Variants in CCDC38 observed in about 807,000 individuals in gnomAD.
The protein encoded by CCDC38 is coiled-coil domain containing 38.
In CCDC38, 69 loss-of-function variants were observed where a neutral mutation model predicts 72.8. The ratio of observed to expected loss-of-function variants is 0.95; its 90% confidence interval spans 0.78 to 1.16. The LOEUF (loss-of-function observed/expected upper bound fraction) is 1.16. Among genes scored for constraint, CCDC38 ranks in the 50% most tolerant of loss-of-function variants. The pLI is 0.00. For missense variants in CCDC38, 626 were observed against 638.9 expected, an observed-to-expected ratio of 0.98 and a Z score of 0.22; for synonymous variants, 201 against 213.2, an observed-to-expected ratio of 0.94 and a Z score of 0.50.
At chr12:95,876,003 G>T (rs2079631750) in intron 13 of CCDC38, among the ~76,000 whole-genome samples, 1 of 152,038 alleles carries the variant, frequency 6.6e-6, no homozygotes. Context: ...CATGTCAATT[G>T]GTTTCAGAAT....
chr12:95,888,673 T>A (rs911651874), intron 9 of CCDC38, among the ~76,000 whole-genome samples, 167 bp from the exon 10 acceptor site: 1 of 152,134 alleles, frequency 6.6e-6, no homozygotes, highest in African/African-American at 2.4e-5. Context: ...ATTATTGGAA[T>A]GATAATTGCA....
chr12:95,917,001 G>T, intron 4 of CCDC38, 128 bp downstream of exon 4: 2 of 576,008 alleles, frequency 3.5e-6, no homozygotes, highest in Non-Finnish European at 5.6e-6. Context: ...CAATCCCCAT[G>T]TACTAAGACT....
intron 2 of CCDC38, 80 bp from the exon 3 acceptor site, chr12:95,919,056 A>G (rs908828619): frequency 9.2e-6 from 8 of 866,168 alleles, no homozygotes; most frequent in Non-Finnish European, 1.5e-5. Context: ...CCCACCAGCT[A>G]GGGTGGAATG....
intron 1 of CCDC38, among the ~76,000 whole-genome samples, chr12:95,938,899 A>T (rs2080420747): frequency 6.6e-6 from 1 of 152,248 alleles, no homozygotes; most frequent in South Asian, 2.1e-4. Flanking sequence ...TCTTAAATAC[A>T]CGTTCACATC....
intron 1 of CCDC38, 40 bp from the exon 2 acceptor site, chr12:95,936,563 T>C: frequency 1.9e-6 from 3 of 1,555,158 alleles, no homozygotes; most frequent in Non-Finnish European, 2.6e-6. Flanking sequence ...AAAAATTCTA[T>C]GAACATCATA....
chr12:95,902,477 C>A (rs768985436), intron 5 of CCDC38, among the ~76,000 whole-genome samples: 1 of 152,102 alleles, frequency 6.6e-6, no homozygotes, highest in Non-Finnish European at 1.5e-5. Context: ...ATAGTATGAA[C>A]TATTTTTCTG....
intron 4 of CCDC38, among the ~76,000 whole-genome samples, chr12:95,907,644 C>T (rs1201078068): frequency 5.4e-5 from 6 of 110,666 alleles, no homozygotes; most frequent in African/African-American, 1.0e-4. Context: ...ACTTCCCAGA[C>T]GGGGTGGCTG....
At chr12:95,898,190 C>T (rs774405399) in intron 7 of CCDC38, among the ~76,000 whole-genome samples, 195 bp downstream of exon 7, 3 of 152,166 alleles carry the variant, frequency 2.0e-5, no homozygotes, top group Admixed American at 6.5e-5. Flanking sequence ...ACTTTCCAAC[C>T]GGAAGCCACA....
chr12:95,913,490 A>T (rs916364310), intron 4 of CCDC38, among the ~76,000 whole-genome samples: 1 of 152,182 alleles, frequency 6.6e-6, no homozygotes, highest in Non-Finnish European at 1.5e-5. Flanking sequence ...GCAACATCCT[A>T]GACAGGAAAT....
intron 4 of CCDC38, among the ~76,000 whole-genome samples, chr12:95,912,642 A>T (rs2080106385): frequency 6.6e-6 from 1 of 152,216 alleles, no homozygotes; most frequent in African/African-American, 2.4e-5. Flanking sequence ...ATAAATGATA[A>T]ATGTTTGAGG....
intron 13 of CCDC38, among the ~76,000 whole-genome samples, chr12:95,875,275 G>A (rs2079623332): frequency 6.6e-6 from 1 of 152,126 alleles, no homozygotes; most frequent in African/African-American, 2.4e-5. Flanking sequence ...TCCCTGATCT[G>A]GGGGGTAGCA....
rs565250678 is a variant in CCDC38 at position 95,867,102 on chromosome 12, G to T, written c.1666C>A (p.Gln556Lys). The part of the protein sequence containing the change: ...PLVNETKTKS[Q>K]EEEYFFT ...CAAGTAAAAAAATATTCTTCCTCTT[G>T]TGATTTTGTTTTTGTTTCATTGACT... is the stretch of plus-strand genomic sequence containing the variant. The change falls in exon 16 of 16, where the codon CAA (glutamine) becomes AAA (lysine). Residue 556 changes from glutamine to lysine, a missense_variant. Physicochemically the swap from Gln to Lys is moderately conservative, Grantham distance 53. Coordinates refer to ENST00000344280, the MANE Select transcript of CCDC38 (RefSeq NM_182496.3). 1.3e-6 allele frequency: 2 copies of T among 1,595,412 alleles called. No homozygotes were observed. Among genetic ancestry groups the T allele is most frequent in the East Asian group, 2.2e-5 (1 of 44,662 alleles).
chr12:95,942,028 TTAA>T (rs2080457281), intron 1 of CCDC38, among the ~76,000 whole-genome samples: 1 of 152,228 alleles, frequency 6.6e-6, no homozygotes, highest in Non-Finnish European at 1.5e-5. Flanking sequence ...CCAGGTTTTT[TTAA>T]TGAGACTAAA....
chr12:95,892,899 C>T (rs1434678677), intron 8 of CCDC38, among the ~76,000 whole-genome samples: 1 of 152,038 alleles, frequency 6.6e-6, no homozygotes, highest in Non-Finnish European at 1.5e-5. Context: ...GTAGTGGGAC[C>T]CATATCTGGT....
intron 2 of CCDC38, among the ~76,000 whole-genome samples, chr12:95,932,336 G>T (rs918724174): frequency 6.6e-6 from 1 of 151,952 alleles, no homozygotes; most frequent in African/African-American, 2.4e-5. Flanking sequence ...TGCATATGAG[G>T]TATTTTCCCT....
intron 5 of CCDC38, among the ~76,000 whole-genome samples, chr12:95,902,666 A>T (rs1298650246): frequency 6.6e-6 from 1 of 152,184 alleles, no homozygotes; most frequent in East Asian, 1.9e-4. Context: ...TACTTCAAAT[A>T]AGGTTGCTAT....
chr12:95,913,815 A>G (rs536231416), intron 4 of CCDC38, among the ~76,000 whole-genome samples: 1 of 152,212 alleles, frequency 6.6e-6, no homozygotes, highest in East Asian at 1.9e-4. Flanking sequence ...AATAAATGTT[A>G]ATTGGGAGGT....
At chr12:95,923,631 T>C (rs61939176) in intron 2 of CCDC38, among the ~76,000 whole-genome samples, 4 of 151,966 alleles carry the variant, frequency 2.6e-5, no homozygotes, top group African/African-American at 4.8e-5. Context: ...CATGCTGGTG[T>C]GCTGCACCCA....
chr12:95,873,644 A>C (rs1592752805), intron 13 of CCDC38, among the ~76,000 whole-genome samples: 1 of 152,234 alleles, frequency 6.6e-6, no homozygotes, highest in Non-Finnish European at 1.5e-5. Flanking sequence ...GGGCAATGTG[A>C]ATCACTCTTC....
Sources: allele counts gnomAD v4.1 joint callset (sites outside exome capture counted in the v4.1 genomes callset), GRCh38; gene constraint gnomAD v4.1.1; transcripts MANE v1.5; gene names NCBI Gene and HGNC (gene_info 2026-07-23, HGNC 2026-07-21).